The following PPP2R5C variants were observed in gnomAD, a reference collection of about 807,000 sequenced individuals.
PPP2R5C encodes protein phosphatase 2 regulatory subunit B'gamma.
In PPP2R5C, 7 loss-of-function variants were observed where a neutral mutation model predicts 68.9. The observed-to-expected ratio is 0.10, with a 90% CI of 0.06 to 0.19. The LOEUF is 0.19. Ranked by LOEUF, PPP2R5C falls within the 10% of genes least tolerant of loss-of-function variation. The probability of loss-of-function intolerance (pLI) is 1.00; values close to 1 mark genes in which losing one functional copy is unlikely to be tolerated. For missense variants in PPP2R5C, 348 were observed against 641.3 expected, an observed-to-expected ratio of 0.54 and a Z score of 4.94; for synonymous variants, 210 against 222.2, an observed-to-expected ratio of 0.95 and a Z score of 0.49.
intron 2 of PPP2R5C, 41 bp from the exon 3 acceptor site, chr14:101,785,977 C>A (rs1296268536): frequency 5.4e-6 from 8 of 1,490,128 alleles, no homozygotes; most frequent in African/African-American, 4.3e-5. Flanking sequence ...CAAAATACAA[C>A]CATTGTACAT....
At chr14:101,854,416 A>G (rs1176015256) in intron 1 of PPP2R5C, among the ~76,000 whole-genome samples, 3 of 152,234 alleles carry the variant, frequency 2.0e-5, no homozygotes, top group Admixed American at 2.0e-4. Context: ...CTCAAAAAGC[A>G]TCTAGTTGGG....
chr14:101,823,440 A>C (rs2040205915), intron 1 of PPP2R5C, among the ~76,000 whole-genome samples: 1 of 152,206 alleles, frequency 6.6e-6, no homozygotes, highest in African/African-American at 2.4e-5. Flanking sequence ...GAATCCTAGA[A>C]GACCAGTTTA....
intron 1 of PPP2R5C, among the ~76,000 whole-genome samples, chr14:101,855,207 A>C (rs995969069): frequency 6.6e-6 from 1 of 152,204 alleles, no homozygotes; most frequent in Non-Finnish European, 1.5e-5. Flanking sequence ...TTTCTAAAAC[A>C]AAAACTAATT....
At chr14:101,808,430 C>T (rs2039166719), upstream of PPP2R5C, among the ~76,000 whole-genome samples, 1 of 152,106 alleles carries the variant, frequency 6.6e-6, no homozygotes, top group African/African-American at 2.4e-5. Context: ...CACTGTCTGT[C>T]AGCTCTGGGG....
chr14:101,810,014 C>T (rs1315844348), exon 1 of PPP2R5C: 7 of 1,613,912 alleles, frequency 4.3e-6, no homozygotes, highest in Middle Eastern at 1.7e-4. Context: ...CTTTCCAGCC[C>T]GTGGTCCTTC....
At chr14:101,809,708 C>A (rs576925783), upstream of PPP2R5C, 482 of 791,162 alleles carry the variant, frequency 6.1e-4, no homozygotes, top group Admixed American at 8.9e-4. Context: ...GAAAATATCC[C>A]AGCTTTTAAG....
chr14:101,796,844 C>T, intron 3 of PPP2R5C: 1 of 259,352 alleles, frequency 3.9e-6, no homozygotes, highest in Non-Finnish European at 7.7e-6. Flanking sequence ...CAGCGCCCTG[C>T]TGCCTCTGCT....
intron 2 of PPP2R5C, among the ~76,000 whole-genome samples, chr14:101,763,384 C>CA (rs1317848226): frequency 0.021 from 3,104 of 148,288 alleles, 115 homozygotes; most frequent in African/African-American, 0.074. Context: ...CCACACCCAA[C>CA]AAATTTTTTT....
intron 1 of PPP2R5C, among the ~76,000 whole-genome samples, chr14:101,810,514 G>A (rs1566857400): frequency 6.6e-6 from 1 of 152,206 alleles, no homozygotes; most frequent in Non-Finnish European, 1.5e-5. Context: ...CAATTGATTG[G>A]AAAAGAACTT....
At chr14:101,799,516 C>G (rs980808995) in intron 3 of PPP2R5C, among the ~76,000 whole-genome samples, 1 of 152,222 alleles carries the variant, frequency 6.6e-6, no homozygotes, top group Non-Finnish European at 1.5e-5. Flanking sequence ...ACAGCTCTGT[C>G]TAGCCCCTCC....
intron 1 of PPP2R5C, among the ~76,000 whole-genome samples, chr14:101,848,328 C>T (rs1209194979): frequency 2.6e-5 from 4 of 151,950 alleles, no homozygotes; most frequent in Non-Finnish European, 5.9e-5. Flanking sequence ...GTCAGGGGTT[C>T]GAGACCAGCC....
rs991754875 is a variant in PPP2R5C at position 101,916,218 on chromosome 14, A to G, written c.1327-1613A>G. On this transcript the variant is annotated intron_variant, in intron 12 of 13. Coordinates refer to ENST00000334743, the Ensembl canonical transcript of PPP2R5C. The surrounding 1 kb of genome is among the most constrained non-coding windows in gnomAD (Gnocchi z 5.5). ...GGGTAGGGTGTGGAGATGTGTGGAG[A>G]TCGTGGTGCTGGGCGGAGCTGTGGG... is the stretch of plus-strand genomic sequence containing the variant. 6.6e-6 allele frequency among the ~76,000 whole-genome samples: 1 copy of G among 151,752 alleles called. No homozygotes were observed. The highest frequency in any genetic ancestry group is 2.4e-5 in the African/African-American group (1 of 41,294).
intron 3 of PPP2R5C, among the ~76,000 whole-genome samples, chr14:101,799,678 C>T (rs1293511556): frequency 1.3e-5 from 2 of 152,212 alleles, no homozygotes; most frequent in African/African-American, 4.8e-5. Context: ...AGCCTACAGA[C>T]TCAATGCAAA....
At chr14:101,859,152 G>A (rs796754534) in intron 2 of PPP2R5C, among the ~76,000 whole-genome samples, 96 of 152,336 alleles carry the variant, frequency 6.3e-4, no homozygotes, top group African/African-American at 2.2e-3. Context: ...TGAGGAAATA[G>A]AATGGCGAAC....
intron 2 of PPP2R5C, among the ~76,000 whole-genome samples, chr14:101,784,843 C>T (rs915092561): frequency 2.0e-5 from 3 of 152,274 alleles, no homozygotes; most frequent in South Asian, 2.1e-4. Context: ...GGATAGTGGT[C>T]GCAGCAAACA....
chr14:101,864,583 G>A (rs554964449), intron 2 of PPP2R5C, among the ~76,000 whole-genome samples: 1 of 152,270 alleles, frequency 6.6e-6, no homozygotes, highest in Admixed American at 6.5e-5. Flanking sequence ...CCCCTTGCCT[G>A]GGCGCCCCAG....
At chr14:101,868,260 T>A (rs1018805970) in intron 2 of PPP2R5C, among the ~76,000 whole-genome samples, 4 of 152,194 alleles carry the variant, frequency 2.6e-5, no homozygotes, top group Non-Finnish European at 1.5e-5. Flanking sequence ...AGAGAATGAT[T>A]TTTCTACTTT....
At position 101,921,913 on chromosome 14, in the gene PPP2R5C, C is replaced by T. The variant is rs975023793; in HGVS notation, c.1444-3228C>T. The T allele has an allele frequency of 1.5e-5, 13 of 895,726 alleles. No homozygotes were observed. In the African/African-American group the frequency reaches 2.2e-4, roughly 15 times the overall value. The allele number at this position is 895,726 out of a possible 1,614,324, so 55.5% of individuals were successfully genotyped here. A position where few individuals can be genotyped will look rare whatever the true frequency, so the allele number is the denominator to read the frequency against. ...CCCTATACAGAACATTCAAAGAAAA[C>T]TAGCAAATATCATGTGAATAACATT... On this transcript the variant is annotated intron_variant, in intron 13 of 13. Coordinates refer to ENST00000334743, the Ensembl canonical transcript of PPP2R5C.
chr14:101,890,113 C>A, intron 5 of PPP2R5C, 124 bp from the exon 8 acceptor site: 2 of 866,168 alleles, frequency 2.3e-6, no homozygotes, highest in Non-Finnish European at 3.8e-6. Context: ...TTGCTCACCA[C>A]GAGCAGTGTT....
Sources: allele counts gnomAD v4.1 joint callset (sites outside exome capture counted in the v4.1 genomes callset), GRCh38; gene constraint gnomAD v4.1.1; non-coding constraint Gnocchi (gnomAD v3.1); transcripts MANE v1.5; gene names NCBI Gene and HGNC (gene_info 2026-07-23, HGNC 2026-07-21).